Variants in TET2 observed in about 807,000 individuals in gnomAD.
TET2 encodes tet methylcytosine dioxygenase 2.
In TET2, 299 loss-of-function variants were observed where a neutral mutation model predicts 142.9. The observed-to-expected ratio is 2.09, with a 90% CI of 1.90 to 2.30. The LOEUF is 2.30. Ranked by LOEUF, TET2 falls within the 30% of genes most tolerant of loss-of-function variation. The pLI, the probability that TET2 is intolerant of heterozygous loss-of-function variation, is 0.00. For synonymous variants in TET2, 819 were observed against 849.0 expected (o/e 0.96, Z 0.61); for missense variants, 2,418 against 2,378.0 (o/e 1.02, Z -0.35).
rs976523976 is a variant in TET2, at chr4:105,242,350, G to A, written c.3501-484G>A. 3.7e-5 allele frequency: 40 copies of A among 1,077,974 alleles called. 1 individual carries two copies. Among genetic ancestry groups the A allele is most frequent in the Non-Finnish European group, 9.1e-6 (8 of 878,880 alleles). The allele number at this position is 1,077,974 out of a possible 1,614,324, so 66.8% of individuals were successfully genotyped here. ...TAAGGGAAGATATAGTCTATTTCTAGGACTATTCCATATTTTCCATGTGGC... is the reference window on the plus strand; with the variant it reads ...TAAGGGAAGATATAGTCTATTTCTAAGACTATTCCATATTTTCCATGTGGC... On this transcript the variant is annotated intron_variant, in intron 4 of 10. Transcript: ENST00000380013.
intron 2 of TET2, among the ~76,000 whole-genome samples, chr4:105,199,988 G>A (rs1726349345): frequency 6.6e-6 from 1 of 152,060 alleles, no homozygotes; most frequent in East Asian, 1.9e-4. Flanking sequence ...ATTGTGAATA[G>A]GACTGCAGTG....
Position 105,236,346 on chromosome 4 carries a change from G to C in TET2, c.2404G>C (p.Val802Leu), listed in dbSNP as rs1728906535. 2.5e-6 allele frequency: 4 copies of C among 1,614,038 alleles called. No individual in the cohort carries two copies. The highest frequency in any genetic ancestry group is 1.6e-4 in the Middle Eastern group (1 of 6,062). Residue 802 changes from valine to leucine, a missense_variant, in exon 3 of 11, where the codon GTC becomes CTC. By Grantham distance (32) the Val-to-Leu change is conservative. Transcript: ENST00000380013. Reference sequence around the variant, plus strand: ...ATCAAGCGAGTTCGAGACTCATAATGTCCAAATGGGACTGGAGGAAGTACA... The same window carrying C: ...ATCAAGCGAGTTCGAGACTCATAATCTCCAAATGGGACTGGAGGAAGTACA... The part of the protein sequence containing the change: ...SKSSEFETHN[V>L]QMGLEEVQNI...
intron 6 of TET2, among the ~76,000 whole-genome samples, chr4:105,253,809 G>A (rs1012906895): frequency 6.6e-6 from 1 of 152,006 alleles, no homozygotes; most frequent in African/African-American, 2.4e-5. Flanking sequence ...GTATGGTTTT[G>A]TATATATTCT....
At chr4:105,150,914 G>A (rs1218152104) in intron 1 of TET2, among the ~76,000 whole-genome samples, 1 of 152,190 alleles carries the variant, frequency 6.6e-6, no homozygotes, top group Non-Finnish European at 1.5e-5. Flanking sequence ...ATGTATGTCT[G>A]CTATTTCCAG....
intron 1 of TET2, among the ~76,000 whole-genome samples, chr4:105,161,451 C>T (rs941015227): frequency 1.2e-4 from 19 of 152,166 alleles, no homozygotes; most frequent in African/African-American, 4.3e-4. Context: ...ATGTATTTCT[C>T]TCAATTATCC....
At chr4:105,175,560 A>G (rs72955141) in intron 1 of TET2, among the ~76,000 whole-genome samples, 4,070 of 152,266 alleles carry the variant, frequency 0.027, 180 homozygotes, top group African/African-American at 0.092. Context: ...AAAAAACAGA[A>G]GAGATTATTC....
chr4:105,174,158 G>C (rs1724642100), intron 1 of TET2, among the ~76,000 whole-genome samples: 1 of 152,068 alleles, frequency 6.6e-6, no homozygotes. Context: ...AGTTAGAAAA[G>C]AGCAAATACA....
chr4:105,156,616 T>A (rs1377187094), intron 1 of TET2, among the ~76,000 whole-genome samples: 2 of 152,196 alleles, frequency 1.3e-5, no homozygotes, highest in Admixed American at 1.3e-4. Flanking sequence ...TGGGTTATTA[T>A]AGTATTTTCT....
intron 1 of TET2, chr4:105,177,727 T>TA (rs895466745): frequency 6.6e-6 from 1 of 152,192 alleles, no homozygotes; most frequent in African/African-American, 2.4e-5. Flanking sequence ...GGCAGTTTCT[T>TA]ACAAAATAAA....
intron 1 of TET2, among the ~76,000 whole-genome samples, chr4:105,156,725 T>G (rs748184976): frequency 1.3e-4 from 20 of 152,230 alleles, no homozygotes; most frequent in Non-Finnish European, 2.6e-4. Flanking sequence ...CCTCCCGTTT[T>G]TCTTACCTGT....
chr4:105,151,088 G>A (rs939076965), intron 1 of TET2, among the ~76,000 whole-genome samples: 1 of 152,192 alleles, frequency 6.6e-6, no homozygotes, highest in East Asian at 1.9e-4. Flanking sequence ...GGGAGGCCAA[G>A]GTGAGAGATC....
intron 1 of TET2, chr4:105,178,151 A>G (rs982295407): frequency 2.0e-4 from 30 of 152,162 alleles, no homozygotes; most frequent in African/African-American, 7.2e-4. Context: ...ACCTGCACAC[A>G]TTGTTTAACA....
At chr4:105,253,113 C>T (rs1578706432) in intron 6 of TET2, among the ~76,000 whole-genome samples, 1 of 152,174 alleles carries the variant, frequency 6.6e-6, no homozygotes, top group East Asian at 1.9e-4. Context: ...GTTGGCTATT[C>T]TTTTGCCTAT....
At position 105,235,075 on chromosome 4, in the gene TET2, G is replaced by A. The variant is rs2110224842; in HGVS notation, c.1133G>A (p.Gly378Asp). Residue 378 changes from glycine (G) to aspartate (D), a missense_variant, in exon 3 of 11, where the codon GGT becomes GAT. Coordinates refer to ENST00000380013, the MANE Select transcript of TET2 (RefSeq NM_001127208.3). ...ERYLKQNEMN[G>D]AYFKQSSVFT... ...TATTTAAAACAAAATGAAATGAATGGTGCTTACTTCAAGCAAAGCTCAGTG... is the reference window on the plus strand; with the variant it reads ...TATTTAAAACAAAATGAAATGAATGATGCTTACTTCAAGCAAAGCTCAGTG... The A allele has an allele frequency of 6.2e-7, 1 of 1,614,042 alleles. No homozygotes were observed. Among genetic ancestry groups the A allele is most frequent in the Non-Finnish European group, 8.5e-7 (1 of 1,180,012 alleles).
intron 1 of TET2, among the ~76,000 whole-genome samples, chr4:105,174,389 A>G (rs1330890888): frequency 1.3e-5 from 2 of 152,332 alleles, no homozygotes; most frequent in Non-Finnish European, 2.9e-5. Flanking sequence ...GTAAAAAACA[A>G]AACAAAACAA....
intron 8 of TET2, among the ~76,000 whole-genome samples, chr4:105,269,212 A>G (rs1730830088): frequency 6.6e-6 from 1 of 152,240 alleles, no homozygotes; most frequent in Non-Finnish European, 1.5e-5. Flanking sequence ...CACACCATTT[A>G]TAAAAATTAA....
At chr4:105,231,441 A>G (rs1728499979) in intron 2 of TET2, among the ~76,000 whole-genome samples, 1 of 152,086 alleles carries the variant, frequency 6.6e-6, no homozygotes, top group Non-Finnish European at 1.5e-5. Flanking sequence ...AATTTCTTCT[A>G]TTATAACTAC....
Position 105,261,846 on chromosome 4 carries a change from C to T in TET2, c.4042C>T (p.Gln1348Ter), listed in dbSNP as rs1180030873. The change falls in exon 8 of 11, where the codon CAG becomes TAG. Residue 1348 changes from glutamine (Q) to a stop codon, truncating the protein, a stop_gained and splice_region_variant. Coordinates refer to ENST00000380013, the MANE Select transcript of TET2 (RefSeq NM_001127208.3). LOFTEE classifies it high-confidence loss of function. ...KKLAPDAYNN[Q>*]IEYEHRAPEC... ...ACTTGCACCTGATGCATATAATAATCAGGTAAGTTTAAATAATCATTGGCA... is the reference window on the plus strand; with the variant it reads ...ACTTGCACCTGATGCATATAATAATTAGGTAAGTTTAAATAATCATTGGCA... 6.5e-7 allele frequency: 1 copy of T among 1,534,086 alleles called. No individual in the cohort carries two copies. The highest frequency in any genetic ancestry group is 8.8e-7 in the Non-Finnish European group (1 of 1,132,932).
intron 6 of TET2, among the ~76,000 whole-genome samples, chr4:105,251,227 T>G (rs912871212): frequency 2.6e-5 from 4 of 152,178 alleles, no homozygotes; most frequent in African/African-American, 9.7e-5. Flanking sequence ...GGTGGCTTTA[T>G]GTTTTTTTCT....
Sources: allele counts gnomAD v4.1 joint callset (sites outside exome capture counted in the v4.1 genomes callset), GRCh38; gene constraint gnomAD v4.1.1; transcripts MANE v1.5; gene names NCBI Gene and HGNC (gene_info 2026-07-23, HGNC 2026-07-21).